Variants in PLCE1 observed in about 807,000 individuals in gnomAD.
The protein encoded by PLCE1 is phospholipase C epsilon 1, also known as 1-phosphatidylinositol 4,5-bisphosphate phosphodiesterase epsilon-1.
A neutral mutation model predicts 242.8 loss-of-function variants in PLCE1; 119 were observed. That is an observed-to-expected ratio of 0.49 (90% CI 0.42 to 0.57). The LOEUF is 0.57. Among genes scored for constraint, PLCE1 ranks in the 20% least tolerant of loss-of-function variants. The probability of loss-of-function intolerance (pLI) is 0.00; values close to 1 mark genes in which losing one functional copy is unlikely to be tolerated. For missense variants in PLCE1, 2,441 were observed against 2,788.8 expected, an observed-to-expected ratio of 0.88 and a Z score of 2.81; for synonymous variants, 945 against 1,017.4, an observed-to-expected ratio of 0.93 and a Z score of 1.35.
At chr10:94,304,129 C>G (rs1256495462) in intron 24 of PLCE1, among the ~76,000 whole-genome samples, 1 of 152,178 alleles carries the variant, frequency 6.6e-6, no homozygotes, top group Admixed American at 6.5e-5. Context: ...AACCAATCCC[C>G]CATGGTCAAC....
chr10:94,210,802 C>T (rs767898643), intron 4 of PLCE1, among the ~76,000 whole-genome samples: 13 of 152,284 alleles, frequency 8.5e-5, no homozygotes, highest in Admixed American at 4.6e-4. Flanking sequence ...CTTCCTTTGG[C>T]TTCTCCCTCT....
At chr10:94,101,789 A>C (rs1391814702) in intron 2 of PLCE1, among the ~76,000 whole-genome samples, 2 of 152,124 alleles carry the variant, frequency 1.3e-5, no homozygotes, top group African/African-American at 4.8e-5. Flanking sequence ...CTCTGTGTGG[A>C]GGCGCTGAAG....
chr10:94,240,195 T>G (rs974476154), intron 7 of PLCE1, among the ~76,000 whole-genome samples: 4 of 152,212 alleles, frequency 2.6e-5, no homozygotes, highest in African/African-American at 9.7e-5. Context: ...TGTCTTTTGT[T>G]TTATGATACT....
rs2050671762 is a variant in PLCE1, at chr10:94,246,155, C to T, written c.2630C>T (p.Ser877Phe). Residue 877 changes from serine to phenylalanine, a missense_variant, in exon 8 of 33, where the codon TCT (serine) becomes TTT (phenylalanine). Around this residue, in one of 5 missense-constraint regions of PLCE1, gnomAD observed 733 missense variants for 754.2 expected, o/e 0.97. Coordinates refer to ENST00000371380, the MANE Select transcript of PLCE1 (RefSeq NM_016341.4). ...CACTACGACCAGGACACACACCTCT[C>T]TGCCCGCTGCTTCCTCCAGCTTCAG... ...VIHYDQDTHLSARCFLQLQPD... is the reference protein window; with the variant it reads ...VIHYDQDTHLFARCFLQLQPD... The T allele has an allele frequency of 1.9e-6, 3 of 1,614,142 alleles. No homozygotes were observed. In the East Asian group the frequency reaches 6.7e-5, roughly 36 times the overall value.
intron 2 of PLCE1, among the ~76,000 whole-genome samples, chr10:94,084,396 G>T (rs1049504830): frequency 6.6e-6 from 1 of 152,122 alleles, no homozygotes; most frequent in African/African-American, 2.4e-5. Flanking sequence ...GGAAGAACTG[G>T]ACTGGAAGCT....
At chr10:94,176,574 A>G (rs995578058) in intron 4 of PLCE1, among the ~76,000 whole-genome samples, 1 of 152,208 alleles carries the variant, frequency 6.6e-6, no homozygotes, top group South Asian at 2.1e-4. Flanking sequence ...CACTTTCCTC[A>G]GTGGAAAGAT....
rs1409881568 is a variant in PLCE1, at chr10:94,313,292, CAG to C, written c.6045_6046del (p.Arg2015SerfsTer18). On this transcript the variant is annotated frameshift_variant, in exon 28 of 33. Coordinates refer to ENST00000371380, the MANE Select transcript of PLCE1 (RefSeq NM_016341.4). LOFTEE classifies it high-confidence loss of function. ...TEERKCLQTH[R>X]VTVHGVPGPE... ...AAGAAAGAAAATGTTTGCAGACTCA[CAG>C]AGTCACGGTGCATGGGGTCCCAGGG... 1.9e-6 allele frequency: 3 copies of C among 1,614,106 alleles called. No individual in the cohort carries two copies. The highest frequency in any genetic ancestry group is 2.5e-6 in the Non-Finnish European group (3 of 1,179,944).
At chr10:94,052,026 A>T (rs1451873206) in intron 2 of PLCE1, among the ~76,000 whole-genome samples, 1 of 152,228 alleles carries the variant, frequency 6.6e-6, no homozygotes, top group Admixed American at 6.5e-5. Context: ...CCTTCGGGGC[A>T]TGAATTTCTT....
At chr10:93,997,632 C>CTTTTTTTTTTTTTTTTTTT (rs34338995) in intron 1 of PLCE1, among the ~76,000 whole-genome samples, 1 of 79,872 alleles carries the variant, frequency 1.3e-5, no homozygotes, top group African/African-American at 5.6e-5. Flanking sequence ...AATAACCATC[C>CTTTTTTTTTTTTTTTTTTT]TTTTTTTTTT....
intron 2 of PLCE1, among the ~76,000 whole-genome samples, chr10:94,055,983 A>G (rs1056507579): frequency 8.5e-5 from 13 of 152,168 alleles, no homozygotes; most frequent in African/African-American, 3.1e-4. Flanking sequence ...GTTAATTTGA[A>G]TGGTCAAAGG....
At chr10:94,281,630 G>T (rs2052226855) in intron 20 of PLCE1, among the ~76,000 whole-genome samples, 1 of 152,232 alleles carries the variant, frequency 6.6e-6, no homozygotes, top group Non-Finnish European at 1.5e-5. Flanking sequence ...ACCACCTTAG[G>T]CCTTAGATGC....
intron 2 of PLCE1, among the ~76,000 whole-genome samples, chr10:94,038,871 C>T (rs181842082): frequency 2.8e-4 from 42 of 152,246 alleles, no homozygotes; most frequent in Non-Finnish European, 2.9e-5. Context: ...TTTTAGCTAT[C>T]ACCCTCTATC....
At chr10:94,222,815 C>T (rs1486418448) in intron 4 of PLCE1, among the ~76,000 whole-genome samples, 1 of 152,222 alleles carries the variant, frequency 6.6e-6, no homozygotes, top group Non-Finnish European at 1.5e-5. Flanking sequence ...TTACAATCTA[C>T]CCTCTGAAGG....
In PLCE1 at chr10:94,328,136, T is replaced by G. The variant is rs1396445104; in HGVS notation, c.*193T>G. On this transcript the variant is annotated 3_prime_UTR_variant, in exon 33 of 33. Coordinates refer to ENST00000371380, the MANE Select transcript of PLCE1 (RefSeq NM_016341.4). ...CACAGGGCTAGTTGCCACCAACCAATTTACTGATGAATGAAGCCCAGGGGA... is the reference window on the plus strand; with the variant it reads ...CACAGGGCTAGTTGCCACCAACCAAGTTACTGATGAATGAAGCCCAGGGGA... The G allele has an allele frequency of 1.2e-5, 4 of 334,650 alleles. No homozygotes were observed. The highest frequency in any genetic ancestry group is 1.1e-4 in the South Asian group (4 of 37,164). The allele number at this position is 334,650 out of a possible 1,614,324, so 20.7% of individuals were successfully genotyped here. A position where few individuals can be genotyped will look rare whatever the true frequency, so the allele number is the denominator to read the frequency against.
chr10:94,050,311 A>T (rs749589387), intron 2 of PLCE1, among the ~76,000 whole-genome samples: 55 of 152,146 alleles, frequency 3.6e-4, no homozygotes, highest in Non-Finnish European at 1.8e-4. Context: ...GGAGAGAGAA[A>T]GCATGTGAAG....
chr10:94,082,011 A>G (rs1261662887), intron 2 of PLCE1: 2 of 152,232 alleles, frequency 1.3e-5, no homozygotes, highest in Admixed American at 1.3e-4. Flanking sequence ...AAAGAACCTT[A>G]TAAGTATGAA....
chr10:94,039,864 T>C (rs1009128707), intron 2 of PLCE1, among the ~76,000 whole-genome samples: 13 of 152,256 alleles, frequency 8.5e-5, no homozygotes, highest in Non-Finnish European at 5.9e-5. Context: ...CTAGTCAAAT[T>C]ATTTGCCCAT....
At chr10:94,064,075 T>C (rs956823186) in intron 2 of PLCE1, among the ~76,000 whole-genome samples, 1 of 152,134 alleles carries the variant, frequency 6.6e-6, no homozygotes, top group African/African-American at 2.4e-5. Context: ...TTGTTAACCT[T>C]GATATTTCTT....
At chr10:94,254,348 T>G in intron 10 of PLCE1, 41 bp downstream of exon 10, 1 of 1,352,986 alleles carries the variant, frequency 7.4e-7, no homozygotes, top group Non-Finnish European at 1.1e-6. Context: ...TGTTTTTTAA[T>G]TTTTGTGGGA....
Sources: gnomAD v4.1 joint callset for allele counts (sites outside exome capture counted in the v4.1 genomes callset) on GRCh38, gnomAD v4.1.1 for gene constraint, gnomAD v4.1.1 regional missense constraint, MANE v1.5 for transcripts, NCBI Gene and HGNC (gene_info 2026-07-23, HGNC 2026-07-21) for gene names.